OSBPL5: variants seen among roughly 807,000 people sequenced by gnomAD.
OSBPL5 encodes the protein oxysterol binding protein like 5.
Under a neutral mutation model 111.2 loss-of-function variants are expected in OSBPL5, and 71 were observed. The ratio of observed to expected loss-of-function variants is 0.64; its 90% CI spans 0.53 to 0.78. The LOEUF (loss-of-function observed/expected upper bound fraction) is 0.78. Among genes scored for constraint, OSBPL5 ranks in the 30% least tolerant of loss-of-function variants. The pLI is 0.00. For missense variants in OSBPL5, 1,210 were observed against 1,189.3 expected (o/e 1.02, Z -0.26); for synonymous variants, 549 against 513.9 (o/e 1.07, Z -0.93).
chr11:3,155,504 G>A (rs1220502674), intron 1 of OSBPL5, among the ~76,000 whole-genome samples: 1 of 121,452 alleles, frequency 8.2e-6, no homozygotes, highest in Non-Finnish European at 1.7e-5. Context: ...CCCCAGCTCT[G>A]CCACTCACCC....
At chr11:3,158,801 G>C (rs1375199448) in intron 1 of OSBPL5, among the ~76,000 whole-genome samples, 3 of 152,228 alleles carry the variant, frequency 2.0e-5, no homozygotes, top group African/African-American at 7.2e-5. Context: ...ATATAAAACA[G>C]CTCAAGGAGC....
At chr11:3,123,495 T>C (rs1858494874) in intron 3 of OSBPL5, among the ~76,000 whole-genome samples, 3 of 152,270 alleles carry the variant, frequency 2.0e-5, no homozygotes, top group African/African-American at 4.8e-5. Context: ...CTTGGATGGC[T>C]GTGCTGAGTA....
intron 1 of OSBPL5, among the ~76,000 whole-genome samples, chr11:3,136,291 C>G (rs1043488585): frequency 5.9e-5 from 9 of 152,266 alleles, no homozygotes; most frequent in African/African-American, 1.7e-4. Context: ...CTCCTTACCC[C>G]CTGCCTCCCA....
rs896986597 is a variant in OSBPL5, at chr11:3,113,625, G to A, written c.692-5680C>T. 3.3e-5 allele frequency among the ~76,000 whole-genome samples: 5 copies of A among 151,600 alleles called. No individual in the cohort carries two copies. The East Asian group carries it at 9.7e-4, about 29-fold the overall frequency. ...GCCAAGATCGCACCACTGCACTCCA[G>A]CCTGGGAGACTAGAGCAAGACTCCG... On this transcript the variant is annotated intron_variant, in intron 7 of 21. Coordinates refer to ENST00000263650, the MANE Select transcript of OSBPL5 (RefSeq NM_020896.4). The surrounding 1 kb of genome is among the most constrained non-coding windows in gnomAD (Gnocchi z 4.8).
In OSBPL5 at chr11:3,131,927, G is replaced by GTCCA. The variant is rs532838844; in HGVS notation, c.-21-2762_-21-2759dup. ...CTTTCAGGCATCCATCCATCCTCCT[G>GTCCA]TCCATCCATCCATCCATCCATCCAT... is the stretch of plus-strand genomic sequence containing the variant. On this transcript the variant is annotated intron_variant, in intron 1 of 21. Transcript: ENST00000263650. 3.8e-4 allele frequency among the ~76,000 whole-genome samples: 9 copies of GTCCA among 23,466 alleles called. No individual in the cohort carries two copies. In the East Asian group the frequency reaches 5.2e-3, roughly 13 times the overall value. The allele number at this position is 23,466 out of a possible 152,430, so 15.4% of individuals were successfully genotyped here. A position where few individuals can be genotyped will look rare whatever the true frequency, so the allele number is the denominator to read the frequency against.
chr11:3,145,411 G>C (rs1846308494), intron 1 of OSBPL5, among the ~76,000 whole-genome samples: 1 of 152,140 alleles, frequency 6.6e-6, no homozygotes, highest in African/African-American at 2.4e-5. Context: ...CCATTCCCTT[G>C]GTCACATCCC....
chr11:3,103,703 CGT>C (rs1857539908), intron 10 of OSBPL5, among the ~76,000 whole-genome samples: 1 of 118,000 alleles, frequency 8.5e-6, no homozygotes, highest in Admixed American at 8.2e-5. Flanking sequence ...TTCCAGCCTG[CGT>C]ACCCCCTTCC....
rs371907970 is a variant in OSBPL5 at position 3,116,854 on chromosome 11, C to CAAAAAAAAAAA, written c.691+2682_691+2692dup. Among the ~76,000 whole-genome samples, 145 of 75,264 alleles carry CAAAAAAAAAAA rather than the reference C, an allele frequency of 1.9e-3. 2 individuals carry two copies. The highest frequency in any genetic ancestry group is 7.8e-3 in the Middle Eastern group (1 of 128). 49.4% of individuals were successfully genotyped at this position (75,264 alleles called of 152,430 possible). On this transcript the variant is annotated intron_variant, in intron 7 of 21. Transcript: ENST00000263650. ...TGGGCAACAGAGTGAGACTCCATCA[C>CAAAAAAAAAAA]AAAAAAAAAAAAAAAAAAGAAGTGT... is the stretch of plus-strand genomic sequence containing the variant.
rs56166467 is a variant in OSBPL5 at position 3,097,027 on chromosome 11, G to A, written c.1622-2693C>T. 1.9e-3 allele frequency among the ~76,000 whole-genome samples: 121 copies of A among 63,036 alleles called. 1 individual carries two copies. The highest frequency in any genetic ancestry group is 2.4e-3 in the Non-Finnish European group (78 of 32,468). The allele number at this position is 63,036 out of a possible 152,430, so 41.4% of individuals were successfully genotyped here. A position where few individuals can be genotyped will look rare whatever the true frequency, so the allele number is the denominator to read the frequency against. The stretch of plus-strand genomic sequence containing the variant: ...AAGAGGGGGAAGACGGGAGGGGGAG[G>A]AGAGGAAAGAGGGAAGACAGGAGAA... On this transcript the variant is annotated intron_variant, in intron 14 of 21. Transcript: ENST00000263650.
At chr11:3,102,342 A>G in intron 11 of OSBPL5, 61 bp from the exon 12 acceptor site, 1 of 1,498,850 alleles carries the variant, frequency 6.7e-7, no homozygotes, top group Non-Finnish European at 9.1e-7. Flanking sequence ...TGTGCAGAGC[A>G]GGTGAGGGAT....
chr11:3,133,909 AG>A (rs1176798224), intron 1 of OSBPL5, among the ~76,000 whole-genome samples: 4 of 151,810 alleles, frequency 2.6e-5, no homozygotes, highest in African/African-American at 7.3e-5. Flanking sequence ...AGGTCCCCTA[AG>A]GAGGCTCATT....
At chr11:3,093,901 A>G in intron 15 of OSBPL5, 66 bp from the exon 16 acceptor site, 2 of 1,528,132 alleles carry the variant, frequency 1.3e-6, no homozygotes, top group Non-Finnish European at 1.8e-6. Flanking sequence ...TCACATCCTC[A>G]TGGGGGCACG....
chr11:3,115,751 T>C (rs923977931), intron 7 of OSBPL5, among the ~76,000 whole-genome samples: 1 of 152,206 alleles, frequency 6.6e-6, no homozygotes, highest in Non-Finnish European at 1.5e-5. Flanking sequence ...TTATATCTTA[T>C]GATCAAGATG....
chr11:3,102,431 C>T, intron 11 of OSBPL5, 150 bp from the exon 12 acceptor site: 1 of 695,146 alleles, frequency 1.4e-6, no homozygotes, highest in Non-Finnish European at 2.6e-6. Flanking sequence ...AACAACACCT[C>T]ACTTCTGCTT....
In OSBPL5 at chr11:3,106,876, G is replaced by A; in HGVS notation, c.1059+387C>T. On this transcript the variant is annotated intron_variant, in intron 9 of 21. Coordinates refer to ENST00000263650, the MANE Select transcript of OSBPL5 (RefSeq NM_020896.4). This position sits in a 1 kb window ranked among gnomAD's most constrained non-coding sequence, Gnocchi z 8.4. ...GGTGTGCAGGTGCCTGTGAGCATGG[G>A]ACTCAGGTCCACACGCCCTCCTCTG... Among the ~76,000 whole-genome samples, 1 of 152,184 alleles carries A rather than the reference G, an allele frequency of 6.6e-6. No homozygotes were observed. Among genetic ancestry groups the A allele is most frequent in the South Asian group, 2.1e-4 (1 of 4,830 alleles).
In OSBPL5 at chr11:3,096,607, A is replaced by G. The variant is rs560981647; in HGVS notation, c.1622-2273T>C. Reference sequence around the variant, plus strand: ...GCACTCTAGCCTGGGCAACACAGCAAGACTCTGTCAAAAAAAAAAAAAGAC... The same window carrying G: ...GCACTCTAGCCTGGGCAACACAGCAGGACTCTGTCAAAAAAAAAAAAAGAC... On this transcript the variant is annotated intron_variant, in intron 14 of 21. Coordinates refer to ENST00000263650, the MANE Select transcript of OSBPL5 (RefSeq NM_020896.4). 2.5e-4 allele frequency among the ~76,000 whole-genome samples: 28 copies of G among 113,166 alleles called. 1 individual carries two copies. The South Asian group carries it at 0.01, about 42-fold the overall frequency. 74.2% of individuals were successfully genotyped at this position (113,166 alleles called of 152,430 possible). A position where few individuals can be genotyped will look rare whatever the true frequency, so the allele number is the denominator to read the frequency against.
At chr11:3,129,465 C>A (rs544544857) in intron 1 of OSBPL5, 1 of 210,878 alleles carries the variant, frequency 4.7e-6, no homozygotes, top group Non-Finnish European at 9.4e-6. Flanking sequence ...GAACCCCCAC[C>A]CCAGGTTCTG....
chr11:3,102,405 G>A, intron 11 of OSBPL5, 124 bp from the exon 12 acceptor site: 1 of 830,504 alleles, frequency 1.2e-6, no homozygotes, highest in Non-Finnish European at 2.0e-6. Flanking sequence ...GGCCTGGTTT[G>A]CTGCTAGCAT....
In OSBPL5 at chr11:3,126,293, C is replaced by T. The variant is rs935321149; in HGVS notation, c.219+180G>A. The stretch of plus-strand genomic sequence containing the variant: ...CATGACAGCTATATGGTGAAAACAG[C>T]CCAAATATCCACCAGCAGCCCTCCC... On this transcript the variant is annotated intron_variant, in intron 3 of 21. Coordinates refer to ENST00000263650, the MANE Select transcript of OSBPL5 (RefSeq NM_020896.4). The surrounding 1 kb of genome is among the most constrained non-coding windows in gnomAD (Gnocchi z 6.5). Among the ~76,000 whole-genome samples the T allele has an allele frequency of 1.3e-5, 2 of 152,184 alleles. No individual in the cohort carries two copies. The highest frequency in any genetic ancestry group is 1.5e-5 in the Non-Finnish European group (1 of 68,038).
Sources: allele counts gnomAD v4.1 joint callset (sites outside exome capture counted in the v4.1 genomes callset), GRCh38; gene constraint gnomAD v4.1.1; non-coding constraint Gnocchi (gnomAD v3.1); transcripts MANE v1.5; gene names NCBI Gene and HGNC (gene_info 2026-07-23, HGNC 2026-07-21).